Variants in EYS observed in about 807,000 individuals in gnomAD.
EYS encodes EGF-like photoreceptor maintenance factor, also known as protein eyes shut homolog.
In EYS, 250 loss-of-function variants were observed where a neutral mutation model predicts 282.1. The ratio of observed to expected loss-of-function variants is 0.89; its 90% CI spans 0.80 to 0.98. The LOEUF is 0.98. EYS is among the 50% of genes least tolerant of loss of function. The pLI, the probability that EYS is intolerant of heterozygous loss-of-function variation, is 0.00. For synonymous variants in EYS, 1,355 were observed against 1,282.9 expected (o/e 1.06, Z -1.20); for missense variants, 4,016 against 3,709.0 (o/e 1.08, Z -2.15).
chr6:64,646,753 T>C (rs1276668522), intron 22 of EYS, among the ~76,000 whole-genome samples: 2 of 150,086 alleles, frequency 1.3e-5, no homozygotes, highest in Non-Finnish European at 3.0e-5. Flanking sequence ...TGCAGTAAGC[T>C]GAGATTGCGC....
At chr6:64,260,028 G>GT (rs1767537019) in intron 30 of EYS, among the ~76,000 whole-genome samples, 2 of 151,924 alleles carry the variant, frequency 1.3e-5, no homozygotes. Context: ...AAGACTTAAT[G>GT]TTTTACTTCT....
intron 12 of EYS, among the ~76,000 whole-genome samples, chr6:65,117,788 G>T (rs193164258): frequency 2.0e-5 from 3 of 152,144 alleles, no homozygotes; most frequent in Non-Finnish European, 4.4e-5. Flanking sequence ...ACATAAAAAA[G>T]AATTAAATAT....
chr6:65,100,387 AT>A (rs1283200761), intron 12 of EYS, among the ~76,000 whole-genome samples: 3 of 150,788 alleles, frequency 2.0e-5, no homozygotes, highest in Non-Finnish European at 4.5e-5. Context: ...AAAAAGAGTC[AT>A]AAGGCATTCT....
Position 63,788,159 on chromosome 6 carries a change from C to T in EYS, c.7669G>A (p.Glu2557Lys), listed in dbSNP as rs945318474. Reference protein sequence around the residue: ...FSQFYVGGYSEYTPDLLPNGA... With the variant: ...FSQFYVGGYSKYTPDLLPNGA... ...TTTGGTAAGAGATCTGGAGTGTATT[C>T]ACTGTAGCCACCTACATAAAACTGA... The change falls in exon 39 of 43, where the codon GAA becomes AAA. Residue 2557 changes from glutamate to lysine, a missense_variant. Glu to Lys is a moderately conservative substitution (Grantham distance 56, BLOSUM62 1). Coordinates refer to ENST00000503581, the MANE Select transcript of EYS (RefSeq NM_001142800.2). The T allele has an allele frequency of 7.1e-6, 11 of 1,548,888 alleles. No homozygotes were observed. In the African/African-American group the frequency reaches 1.4e-4, roughly 19 times the overall value.
chr6:65,089,982 TACAC>T (rs113762450), intron 12 of EYS, among the ~76,000 whole-genome samples: 365 of 141,296 alleles, frequency 2.6e-3, no homozygotes, highest in Admixed American at 5.2e-3. Flanking sequence ...TATAAATAAA[TACAC>T]ACACACACAC....
intron 14 of EYS, among the ~76,000 whole-genome samples, chr6:64,973,992 C>T (rs1770388089): frequency 6.6e-6 from 1 of 151,850 alleles, no homozygotes; most frequent in East Asian, 1.9e-4. Context: ...ATTTAGAAAA[C>T]ATTCATTGAG....
intron 13 of EYS, among the ~76,000 whole-genome samples, chr6:64,999,312 T>C (rs1771379280): frequency 6.6e-6 from 1 of 152,240 alleles, no homozygotes; most frequent in African/African-American, 2.4e-5. Flanking sequence ...CGGGGCTATG[T>C]GATAACCAAT....
At chr6:65,033,994 G>A (rs148322086) in intron 13 of EYS, among the ~76,000 whole-genome samples, 15 of 152,268 alleles carry the variant, frequency 9.9e-5, no homozygotes, top group South Asian at 4.1e-4. Flanking sequence ...AAAACACACC[G>A]TTTGGGTTCC....
intron 35 of EYS, among the ~76,000 whole-genome samples, chr6:63,966,454 G>C (rs535629362): frequency 6.6e-6 from 1 of 152,198 alleles, no homozygotes; most frequent in African/African-American, 2.4e-5. Flanking sequence ...CACAAATCAT[G>C]GCTGAAGAGC....
intron 19 of EYS, among the ~76,000 whole-genome samples, chr6:64,863,949 C>T (rs894812406): frequency 6.6e-6 from 1 of 152,136 alleles, no homozygotes; most frequent in Admixed American, 6.6e-5. Context: ...TCTCTATTAT[C>T]TGTATGGATT....
chr6:63,978,951 TGTTCACATG>T (rs556798677), intron 35 of EYS, among the ~76,000 whole-genome samples: 7 of 152,060 alleles, frequency 4.6e-5, no homozygotes, highest in Admixed American at 2.0e-4. Flanking sequence ...AACTCACCTC[TGTTCACATG>T]GGGTACTGAG....
chr6:64,593,081 C>G (rs778055087), intron 25 of EYS, 36 bp downstream of exon 25: 1 of 1,410,952 alleles, frequency 7.1e-7, no homozygotes, highest in South Asian at 1.6e-5. Flanking sequence ...CTTTTTCAAA[C>G]TCAAACTTCT....
intron 28 of EYS, among the ~76,000 whole-genome samples, chr6:64,425,284 T>C (rs976666179): frequency 6.6e-6 from 1 of 152,114 alleles, no homozygotes; most frequent in African/African-American, 2.4e-5. Flanking sequence ...AATATGTTTT[T>C]TTAAAAAACA....
chr6:63,791,577 C>CAAAAAAAAAAAA (rs889736940), intron 37 of EYS, among the ~76,000 whole-genome samples: 3 of 52,728 alleles, frequency 5.7e-5, no homozygotes, highest in South Asian at 5.8e-4. Context: ...GACTCCCTCT[C>CAAAAAAAAAAAA]AAAAAAAAAA....
intron 18 of EYS, among the ~76,000 whole-genome samples, chr6:64,898,216 T>C (rs1003712703): frequency 6.6e-6 from 1 of 152,030 alleles, no homozygotes; most frequent in African/African-American, 2.4e-5. Context: ...AAAGGTTGGG[T>C]TATCTACAAA....
intron 33 of EYS, among the ~76,000 whole-genome samples, chr6:64,061,656 T>A (rs1265531876): frequency 6.6e-6 from 1 of 152,184 alleles, no homozygotes; most frequent in African/African-American, 2.4e-5. Flanking sequence ...AAAGCCATAT[T>A]TTACAAGTTG....
At chr6:65,545,109 T>C (rs1304521425) in intron 2 of EYS, among the ~76,000 whole-genome samples, 1 of 152,066 alleles carries the variant, frequency 6.6e-6, no homozygotes, top group East Asian at 1.9e-4. Context: ...TACTCTTACA[T>C]TCATTAGTTT....
At chr6:65,596,868 TG>T (rs1277700493) in intron 2 of EYS, among the ~76,000 whole-genome samples, 48 of 152,208 alleles carry the variant, frequency 3.2e-4, no homozygotes, top group African/African-American at 1.1e-3. Flanking sequence ...TTTAGTGGGA[TG>T]ATAAGATTTT....
intron 18 of EYS, among the ~76,000 whole-genome samples, chr6:64,888,179 T>A (rs2209033): frequency 0.71 from 108,049 of 151,186 alleles, 38,928 homozygotes; most frequent in Admixed American, 0.76. Context: ...CAAAATTACA[T>A]GTAGAAAGGA....
Sources: allele counts gnomAD v4.1 joint callset (sites outside exome capture counted in the v4.1 genomes callset), GRCh38; gene constraint gnomAD v4.1.1; transcripts MANE v1.5; gene names NCBI Gene and HGNC (gene_info 2026-07-23, HGNC 2026-07-21).